Variants in USP19 observed in about 807,000 individuals in gnomAD.
The protein encoded by USP19 is ubiquitin specific peptidase 19, also known as ubiquitin carboxyl-terminal hydrolase 19.
A neutral mutation model predicts 144.8 loss-of-function variants in USP19; 40 were observed. That is an observed-to-expected ratio of 0.28 (90% confidence interval 0.21 to 0.36). The LOEUF (loss-of-function observed/expected upper bound fraction) is 0.36. Ranked by LOEUF, USP19 falls within the 10% of genes least tolerant of loss-of-function variation. The pLI is 1.00. For synonymous variants in USP19, 701 were observed against 709.3 expected (o/e 0.99, Z 0.19); for missense variants, 1,518 against 1,822.5 (o/e 0.83, Z 3.04).
chr3:49,116,403 A>C lies in USP19; in HGVS notation c.1283+48T>G. On this transcript the variant is annotated intron_variant, in intron 8 of 26. Transcript: ENST00000417901. The surrounding 1 kb of genome is among the most constrained non-coding windows in gnomAD (Gnocchi z 5.0). ...AAGGACAAGAGGAAGAGCATGAGAC[A>C]TACTGTCCCACCTGAGGCATTGTTT... is the stretch of plus-strand genomic sequence containing the variant. The C allele has an allele frequency of 1.2e-6, 2 of 1,614,008 alleles. No individual in the cohort carries two copies. The highest frequency in any genetic ancestry group is 1.7e-6 in the Non-Finnish European group (2 of 1,179,918).
chr3:49,110,297 C>T lies in USP19; in HGVS notation c.3925G>A (p.Ala1309Thr). ...CGCCGGCGGTAGAAGAGTACATAGG[C>T]ATAACGCGTCACAACCTGGCTCTCG... ...VDESQVVTRY[A>T]YVLFYRRRNS... Residue 1309 changes from alanine (A) to threonine (T), a missense_variant, in exon 26 of 27, where the codon GCC (alanine) becomes ACC (threonine). By Grantham distance (58) the Ala-to-Thr change is moderately conservative. This residue lies in a region of USP19 where 122 missense variants were observed against 200.4 expected (regional missense o/e 0.61). Transcript: ENST00000417901. This position sits in a 1 kb window ranked among gnomAD's most constrained non-coding sequence, Gnocchi z 6.1. 1 of 1,608,434 alleles carries T rather than the reference C, an allele frequency of 6.2e-7. No homozygotes were observed. The highest frequency in any genetic ancestry group is 8.5e-7 in the Non-Finnish European group (1 of 1,176,458).
In USP19 at chr3:49,117,743, A is replaced by G. The variant is rs746515338; in HGVS notation, c.386T>C (p.Val129Ala). ...GGGACCTACTCCCACACGAAGCTTG[A>G]CAATCACCTCTTCTGCACTCTGCCT... ...DWRQSAEEVI[V>A]KLRVGVGPLQ... Residue 129 changes from valine (V) to alanine (A), a missense_variant, in exon 4 of 27, where the codon GTC becomes GCC. Coordinates refer to ENST00000417901, the MANE Select transcript of USP19 (RefSeq NM_001199161.2). The surrounding 1 kb of genome is among the most constrained non-coding windows in gnomAD (Gnocchi z 4.4). 14 of 1,614,196 alleles carry G rather than the reference A, an allele frequency of 8.7e-6. No homozygotes were observed. In the South Asian group the frequency reaches 9.9e-5, roughly 11 times the overall value.
rs1158591639 is a variant in USP19, at chr3:49,116,392, G to A, written c.1284-41C>T. On this transcript the variant is annotated intron_variant, in intron 8 of 26. Coordinates refer to ENST00000417901, the MANE Select transcript of USP19 (RefSeq NM_001199161.2). The surrounding 1 kb of genome is among the most constrained non-coding windows in gnomAD (Gnocchi z 5.0). ...AGGATAGGAGGAAGGACAAGAGGAA[G>A]AGCATGAGACATACTGTCCCACCTG... 3.7e-6 allele frequency: 6 copies of A among 1,614,068 alleles called. No individual in the cohort carries two copies. The South Asian group carries it at 4.4e-5, about 12-fold the overall frequency.
At position 49,117,994 on chromosome 3, in the gene USP19, G is replaced by A; in HGVS notation, c.251C>T (p.Ser84Leu). Reference sequence around the variant, plus strand: ...AGGAGTGGATGCTGACCCTGACGATGAAGGAAAGAACAGCCGGGTACGGTG... The same window carrying A: ...AGGAGTGGATGCTGACCCTGACGATAAAGGAAAGAACAGCCGGGTACGGTG... Reference protein sequence around the residue: ...SRHRTRLFFPSSSGSASTPQE... With the variant: ...SRHRTRLFFPLSSGSASTPQE... Residue 84 changes from serine to leucine, a missense_variant, in exon 3 of 27, where the codon TCA becomes TTA. Physicochemically the swap from Ser to Leu is moderately radical, Grantham distance 145. This residue lies in a region of USP19 where 707 missense variants were observed against 728.9 expected (regional missense o/e 0.97). Coordinates refer to ENST00000417901, the MANE Select transcript of USP19 (RefSeq NM_001199161.2). The surrounding 1 kb of genome is among the most constrained non-coding windows in gnomAD (Gnocchi z 4.4). 1 of 1,608,806 alleles carries A rather than the reference G, an allele frequency of 6.2e-7. No individual in the cohort carries two copies. The highest frequency in any genetic ancestry group is 8.5e-7 in the Non-Finnish European group (1 of 1,178,800).
At position 49,114,361 on chromosome 3, in the gene USP19, CGGGGCTTCT is replaced by C; in HGVS notation, c.2293-86_2293-78del. 1.4e-6 allele frequency: 2 copies of C among 1,431,140 alleles called. No individual in the cohort carries two copies. Among genetic ancestry groups the C allele is most frequent in the Admixed American group, 3.8e-5 (2 of 52,918 alleles). The allele number at this position is 1,431,140 out of a possible 1,614,324, so 88.7% of individuals were successfully genotyped here. A position where few individuals can be genotyped will look rare whatever the true frequency, so the allele number is the denominator to read the frequency against. On this transcript the variant is annotated intron_variant, in intron 15 of 26. Transcript: ENST00000417901. This position sits in a 1 kb window ranked among gnomAD's most constrained non-coding sequence, Gnocchi z 4.5. Reference sequence around the variant, plus strand: ...ATGCTCATGCTCAGAGAGCCCATTCCGGGGCTTCTGATGGCTCTCAGGGCCCCCACAGCC... The same window carrying C: ...ATGCTCATGCTCAGAGAGCCCATTCCGATGGCTCTCAGGGCCCCCACAGCC...
chr3:49,113,926 C>T, intron 17 of USP19, 66 bp downstream of exon 17: 44 of 1,539,230 alleles, frequency 2.9e-5, no homozygotes, highest in Non-Finnish European at 3.9e-5. Flanking sequence ...AATGACTGTA[C>T]ACACGTCTGT....
At chr3:49,109,058 T>G in intron 26 of USP19, 2 of 1,611,604 alleles carry the variant, frequency 1.2e-6, no homozygotes, top group Non-Finnish European at 1.7e-6. Context: ...GAGGCAGCCC[T>G]CATCTGGTGT....
chr3:49,118,219 C>A, intron 2 of USP19, 99 bp from the exon 3 acceptor site: 2 of 535,938 alleles, frequency 3.7e-6, no homozygotes, highest in East Asian at 3.2e-5. Context: ...AAGCTACGAT[C>A]ACACCTGCAC....
In USP19 at chr3:49,110,546, C is replaced by T; in HGVS notation, c.3757G>A (p.Asp1253Asn). 3 of 1,614,098 alleles carry T rather than the reference C, an allele frequency of 1.9e-6. No homozygotes were observed. Among genetic ancestry groups the T allele is most frequent in the Non-Finnish European group, 1.7e-6 (2 of 1,180,034 alleles). Residue 1253 changes from aspartate (D) to asparagine (N), a missense_variant, in exon 25 of 27, where the codon GAT becomes AAT. By Grantham distance (23) the Asp-to-Asn change is conservative. This residue lies in a region of USP19 where 122 missense variants were observed against 200.4 expected (regional missense o/e 0.61). Transcript: ENST00000417901. The surrounding 1 kb of genome is among the most constrained non-coding windows in gnomAD (Gnocchi z 6.1). ...GQKEEQLPSY[D>N]LYAVINHYGG... ...TAGTGGTTGATGACAGCATATAGAT[C>T]GTAGCTGGGCAGCTGCTCCTCTTTC...
At position 49,112,226 on chromosome 3, in the gene USP19, G is replaced by A; in HGVS notation, c.2765+58C>T. The A allele has an allele frequency of 6.4e-7, 1 of 1,563,850 alleles. No homozygotes were observed. ...ATGTGCCTTGGTGTGAAGGGAAGGA[G>A]CAGGGTGGCACATGGAAGGTGGAAA... On this transcript the variant is annotated intron_variant, in intron 19 of 26. Transcript: ENST00000417901. This position sits in a 1 kb window ranked among gnomAD's most constrained non-coding sequence, Gnocchi z 4.9.
In USP19 at chr3:49,114,703, A is replaced by T; in HGVS notation, c.2292+60T>A. The T allele has an allele frequency of 2.5e-6, 4 of 1,569,032 alleles. No individual in the cohort carries two copies. The Admixed American group carries it at 6.7e-5, about 26-fold the overall frequency. Reference sequence around the variant, plus strand: ...TTAAGATGCACATGCCTCTGAACCTAATGTGACCAGAATAGCTGAGCTGAA... The same window carrying T: ...TTAAGATGCACATGCCTCTGAACCTTATGTGACCAGAATAGCTGAGCTGAA... On this transcript the variant is annotated intron_variant, in intron 15 of 26. Coordinates refer to ENST00000417901, the MANE Select transcript of USP19 (RefSeq NM_001199161.2). This position sits in a 1 kb window ranked among gnomAD's most constrained non-coding sequence, Gnocchi z 4.5.
intron 17 of USP19, among the ~76,000 whole-genome samples, chr3:49,113,419 G>A (rs1395285132): frequency 6.6e-6 from 1 of 151,128 alleles, no homozygotes; most frequent in Admixed American, 6.6e-5. Flanking sequence ...TGGGACTACA[G>A]ACATGTGCCA....
chr3:49,111,705 C>T lies in USP19; in HGVS notation c.3012G>A (p.Gly1004=). Residue 1004 remains glycine (G), a synonymous_variant, in exon 21 of 27, where the codon GGG becomes GGA. Coordinates refer to ENST00000417901, the MANE Select transcript of USP19 (RefSeq NM_001199161.2). This position sits in a 1 kb window ranked among gnomAD's most constrained non-coding sequence, Gnocchi z 5.9. ...GCTGAATGGGGTCTCTCTCGCTGTCCCCAGCCTCCAGGGAACCTGTGGAGA... is the reference window on the plus strand; with the variant it reads ...GCTGAATGGGGTCTCTCTCGCTGTCTCCAGCCTCCAGGGAACCTGTGGAGA... ...TLLSTGSLEA[G]DSERDPIQPP... is the part of the protein sequence containing the mutation. 1 of 1,592,310 alleles carries T rather than the reference C, an allele frequency of 6.3e-7. No homozygotes were observed. The highest frequency in any genetic ancestry group is 1.1e-5 in the South Asian group (1 of 87,972).
intron 1 of USP19, chr3:49,120,471 AGATCAGCGCCCCGGTC>A (rs1470680710): frequency 6.6e-6 from 1 of 152,262 alleles, no homozygotes; most frequent in African/African-American, 2.4e-5. Flanking sequence ...TACTGACCAC[AGATCAGCGCCCCGGTC>A]GAGCTGCGAC....
intron 17 of USP19, 29 bp downstream of exon 17, chr3:49,113,963 T>G: frequency 6.3e-7 from 1 of 1,598,660 alleles, no homozygotes; most frequent in South Asian, 1.1e-5. Context: ...CATCCACACA[T>G]GTGATAGCCC....
rs1362332131 is a variant in USP19 at position 49,111,387 on chromosome 3, A to C, written c.3218-22T>G. The C allele has an allele frequency of 6.2e-7, 1 of 1,613,964 alleles. No individual in the cohort carries two copies. Among genetic ancestry groups the C allele is most frequent in the Non-Finnish European group, 8.5e-7 (1 of 1,179,972 alleles). On this transcript the variant is annotated intron_variant, in intron 21 of 26. Coordinates refer to ENST00000417901, the MANE Select transcript of USP19 (RefSeq NM_001199161.2). The surrounding 1 kb of genome is among the most constrained non-coding windows in gnomAD (Gnocchi z 5.9). ...GCAGCTGTGTGAGAACATGATAATC[A>C]AAGCTTCCCTGCCCATCAGGGCCTC...
chr3:49,110,217 G>A lies in USP19; in HGVS notation c.4005C>T (p.Asp1335=), dbSNP rs762760461. The change falls in exon 26 of 27, where the codon GAC becomes GAT. Residue 1335 remains aspartate, a synonymous_variant. Transcript: ENST00000417901. The surrounding 1 kb of genome is among the most constrained non-coding windows in gnomAD (Gnocchi z 6.1). ...CAGCAGCCTCAGCTGCAGGGCCTAGGTCTGGGTGGTGCTCAGAGTGACCTG... is the reference window on the plus strand; with the variant it reads ...CAGCAGCCTCAGCTGCAGGGCCTAGATCTGGGTGGTGCTCAGAGTGACCTG... ...PRAGHSEHHP[D]LGPAAEAAAS... 1.9e-6 allele frequency: 3 copies of A among 1,559,050 alleles called. No homozygotes were observed. The highest frequency in any genetic ancestry group is 3.8e-5 in the Admixed American group (2 of 52,044).
In USP19 at chr3:49,115,544, C is replaced by A. The variant is rs1215719156; in HGVS notation, c.1788G>T (p.Leu596=). 3.1e-6 allele frequency: 5 copies of A among 1,614,006 alleles called. No individual in the cohort carries two copies. The African/African-American group carries it at 6.7e-5, about 22-fold the overall frequency. Residue 596 remains leucine, a synonymous_variant, in exon 12 of 27, where the codon CTG becomes CTT. Coordinates refer to ENST00000417901, the MANE Select transcript of USP19 (RefSeq NM_001199161.2). This position sits in a 1 kb window ranked among gnomAD's most constrained non-coding sequence, Gnocchi z 6.6. ...AATTGACAAGGCCAGTGAAGCCTGG[C>A]AGACACACCTTCTTCTCTTCCTCTT... ...EEEEEEKKVC[L]PGFTGLVNLG...
chr3:49,117,053 T>C lies in USP19; in HGVS notation c.909+6A>G. The C allele has an allele frequency of 6.6e-7, 1 of 1,518,120 alleles. No homozygotes were observed. The highest frequency in any genetic ancestry group is 2.1e-5 in the Admixed American group (1 of 47,444). 94.0% of individuals were successfully genotyped at this position (1,518,120 alleles called of 1,614,324 possible). A position where few individuals can be genotyped will look rare whatever the true frequency, so the allele number is the denominator to read the frequency against. On this transcript the variant is annotated splice_donor_region_variant and intron_variant, in intron 6 of 26. Coordinates refer to ENST00000417901, the MANE Select transcript of USP19 (RefSeq NM_001199161.2). The surrounding 1 kb of genome is among the most constrained non-coding windows in gnomAD (Gnocchi z 4.4). ...CCTAACACCCAAACAGGTGCCCAGC[T>C]CTCACCTGGGTGGCTGGGTCAGCCA...
Sources: allele counts gnomAD v4.1 joint callset (sites outside exome capture counted in the v4.1 genomes callset), GRCh38; gene constraint gnomAD v4.1.1; regional missense constraint gnomAD v4.1.1; non-coding constraint Gnocchi (gnomAD v3.1); transcripts MANE v1.5; gene names NCBI Gene and HGNC (gene_info 2026-07-23, HGNC 2026-07-21).